Variants in CRADD observed in about 807,000 individuals in gnomAD.
CRADD encodes CARD and death domain containing adaptor protein.
In CRADD, 9 loss-of-function variants were observed where a neutral mutation model predicts 15.5. The ratio of observed to expected loss-of-function variants is 0.58; its 90% CI spans 0.35 to 1.01. The LOEUF (loss-of-function observed/expected upper bound fraction) is 1.01, where lower values mean the gene tolerates loss of function less well. Among genes scored for constraint, CRADD ranks in the 50% least tolerant of loss-of-function variants. The pLI is 0.02. For synonymous variants in CRADD, 118 were observed against 107.6 expected (o/e 1.10, Z -0.60); for missense variants, 227 against 250.3 (o/e 0.91, Z 0.63).
At chr12:93,863,596 T>TTTGTGTG (rs1444257644) in intron 2 of CRADD, among the ~76,000 whole-genome samples, 41 of 124,850 alleles carry the variant, frequency 3.3e-4, no homozygotes, top group South Asian at 1.5e-3. Flanking sequence ...GTGGAGGCAT[T>TTTGTGTG]TGTGTGTGTG....
At chr12:93,863,184 T>C (rs114461451) in intron 2 of CRADD, among the ~76,000 whole-genome samples, 2 of 152,204 alleles carry the variant, frequency 1.3e-5, no homozygotes, top group African/African-American at 4.8e-5. Context: ...CAAGAGGCAG[T>C]GGGCATTGTC....
intron 2 of CRADD, among the ~76,000 whole-genome samples, chr12:93,725,332 C>G (rs1956340247): frequency 6.6e-6 from 1 of 152,178 alleles, no homozygotes; most frequent in Admixed American, 6.5e-5. Context: ...TAGCTGAGTT[C>G]TGTTGCCCAG....
chr12:93,821,802 T>C (rs910022360), intron 2 of CRADD, among the ~76,000 whole-genome samples: 2 of 152,092 alleles, frequency 1.3e-5, no homozygotes, highest in Non-Finnish European at 2.9e-5. Flanking sequence ...GTTTCCACTC[T>C]TTAAGGGATG....
intron 2 of CRADD, among the ~76,000 whole-genome samples, chr12:93,775,548 A>G (rs1055950497): frequency 1.0e-4 from 15 of 149,508 alleles, no homozygotes; most frequent in African/African-American, 3.7e-4. Flanking sequence ...GGGTTACTCT[A>G]TAGTCTGGTG....
chr12:93,801,551 A>G (rs932654035), intron 2 of CRADD, among the ~76,000 whole-genome samples: 2 of 152,118 alleles, frequency 1.3e-5, no homozygotes, highest in Non-Finnish European at 2.9e-5. Context: ...AGCACCCGCC[A>G]CTATGCCTGG....
intron 2 of CRADD, among the ~76,000 whole-genome samples, chr12:93,764,704 C>CAAA (rs1957007129): frequency 1.4e-5 from 2 of 146,070 alleles, no homozygotes; most frequent in Non-Finnish European, 3.0e-5. Flanking sequence ...TTGTGGAACG[C>CAAA]TTTGTGGTAT....
intron 2 of CRADD, among the ~76,000 whole-genome samples, chr12:93,822,158 A>C (rs1214669716): frequency 6.6e-6 from 1 of 151,952 alleles, no homozygotes; most frequent in Non-Finnish European, 1.5e-5. Context: ...TCAGTGGCAC[A>C]AAAAGAATTG....
At chr12:93,816,383 AT>A (rs61294048) in intron 2 of CRADD, among the ~76,000 whole-genome samples, 76 of 122,072 alleles carry the variant, frequency 6.2e-4, no homozygotes, top group Non-Finnish European at 7.3e-4. Context: ...TGCCTGGCTA[AT>A]TTTTTTTTTT....
chr12:93,792,158 A>G (rs1029651262), intron 2 of CRADD, among the ~76,000 whole-genome samples: 2 of 152,180 alleles, frequency 1.3e-5, no homozygotes, highest in African/African-American at 4.8e-5. Flanking sequence ...AGAATAACTC[A>G]TTTTTGAAAA....
At chr12:93,870,570 C>T (rs181451908) in intron 2 of CRADD, among the ~76,000 whole-genome samples, 2 of 152,252 alleles carry the variant, frequency 1.3e-5, no homozygotes, top group Admixed American at 6.5e-5. Context: ...CACCATGCAC[C>T]GCCACCAGTA....
intron 2 of CRADD, among the ~76,000 whole-genome samples, chr12:93,747,219 T>G (rs796522902): frequency 3.5e-4 from 53 of 152,112 alleles, no homozygotes; most frequent in African/African-American, 1.3e-3. Context: ...TGCGGCCCTG[T>G]AGCAAAAATG....
intron 2 of CRADD, among the ~76,000 whole-genome samples, chr12:93,715,701 G>A (rs1380907688): frequency 6.6e-6 from 1 of 152,170 alleles, no homozygotes; most frequent in Non-Finnish European, 1.5e-5. Flanking sequence ...AAGTATATGT[G>A]AATTGGTGGT....
At chr12:93,840,946 A>T (rs1447601732) in intron 2 of CRADD, among the ~76,000 whole-genome samples, 2 of 152,204 alleles carry the variant, frequency 1.3e-5, no homozygotes, top group Non-Finnish European at 2.9e-5. Context: ...GAATACATTT[A>T]AAGTTTCTTC....
chr12:93,725,368 C>T (rs1956341154), intron 2 of CRADD, among the ~76,000 whole-genome samples: 1 of 152,088 alleles, frequency 6.6e-6, no homozygotes, highest in African/African-American at 2.4e-5. Context: ...GCATATACTC[C>T]CTAGATATAC....
At chr12:93,779,726 A>C (rs1235619777) in intron 2 of CRADD, among the ~76,000 whole-genome samples, 1 of 151,620 alleles carries the variant, frequency 6.6e-6, no homozygotes, top group South Asian at 2.1e-4. Flanking sequence ...AGTAGCTGGG[A>C]CTACAGGTGC....
chr12:93,708,990 C>G (rs1284046712), intron 2 of CRADD: 2 of 152,200 alleles, frequency 1.3e-5, no homozygotes, highest in Non-Finnish European at 2.9e-5. Flanking sequence ...ATAGCTCTCT[C>G]GGGCTTCTTT....
At chr12:93,848,981 A>G (rs1958172808) in intron 2 of CRADD, 1 of 152,186 alleles carries the variant, frequency 6.6e-6, no homozygotes, top group Non-Finnish European at 1.5e-5. Context: ...GGCCTCTGCT[A>G]TGAACAAACC....
chr12:93,697,780 T>C (rs1955746387), intron 2 of CRADD, among the ~76,000 whole-genome samples: 1 of 152,164 alleles, frequency 6.6e-6, no homozygotes, highest in Admixed American at 6.5e-5. Flanking sequence ...TTATTTAATA[T>C]AAATTTTACA....
In CRADD at chr12:93,788,672, C is replaced by T. The variant is rs904769476; in HGVS notation, c.299-61298C>T. On this transcript the variant is annotated intron_variant, in intron 2 of 2. Transcript: ENST00000332896. ...TGTCTAGATATCCTCCACCTGAGAA[C>T]GCTGTCTGGTGTCATAGAAACAGCA... 3.5e-4 allele frequency among the ~76,000 whole-genome samples: 53 copies of T among 152,282 alleles called. 1 individual carries two copies. Among genetic ancestry groups the T allele is most frequent in the African/African-American group, 1.2e-3 (50 of 41,570 alleles).
Sources: allele counts gnomAD v4.1 joint callset (sites outside exome capture counted in the v4.1 genomes callset), GRCh38; gene constraint gnomAD v4.1.1; transcripts MANE v1.5; gene names NCBI Gene and HGNC (gene_info 2026-07-23, HGNC 2026-07-21).